OLFM3: variants seen among roughly 807,000 people sequenced by gnomAD.
OLFM3 encodes the protein olfactomedin 3, also known as noelin-3.
In OLFM3, 20 loss-of-function variants were observed where a neutral mutation model predicts 48.6. The ratio of observed to expected loss-of-function variants is 0.41; its 90% CI spans 0.29 to 0.60. The LOEUF is 0.60. Ranked by LOEUF, OLFM3 falls within the 20% of genes least tolerant of loss-of-function variation. The pLI, the probability that OLFM3 is intolerant of heterozygous loss-of-function variation, is 0.28. For missense variants in OLFM3, 437 were observed against 544.3 expected (o/e 0.80, Z 1.96); for synonymous variants, 222 against 198.1 (o/e 1.12, Z -1.01).
At chr1:101,875,173 G>T (rs1657248826) in intron 1 of OLFM3, among the ~76,000 whole-genome samples, 1 of 151,892 alleles carries the variant, frequency 6.6e-6, no homozygotes, top group Non-Finnish European at 1.5e-5. Flanking sequence ...CTCTAGATTG[G>T]GAGGAAAAAT....
intron 1 of OLFM3, among the ~76,000 whole-genome samples, chr1:101,923,083 T>C (rs756906884): frequency 2.0e-5 from 3 of 152,220 alleles, no homozygotes; most frequent in Non-Finnish European, 4.4e-5. Context: ...GGCTTAACCA[T>C]GAACCTCAGA....
At chr1:101,839,653 G>A (rs1655611081) in intron 1 of OLFM3, among the ~76,000 whole-genome samples, 1 of 152,170 alleles carries the variant, frequency 6.6e-6, no homozygotes, top group Non-Finnish European at 1.5e-5. Context: ...CATTAATATT[G>A]ACGTGCACTT....
intron 1 of OLFM3, among the ~76,000 whole-genome samples, chr1:101,892,442 A>C (rs1263690449): frequency 6.6e-6 from 1 of 152,080 alleles, no homozygotes; most frequent in Non-Finnish European, 1.5e-5. Context: ...GCATGTATCT[A>C]ACAAACATAC....
intron 1 of OLFM3, among the ~76,000 whole-genome samples, chr1:101,969,444 A>G (rs1468891136): frequency 2.6e-5 from 4 of 152,016 alleles, no homozygotes; most frequent in African/African-American, 9.7e-5. Context: ...CTGGAATTAC[A>G]GGTGTAAGCC....
chr1:101,967,342 T>A (rs1660643019), intron 1 of OLFM3, among the ~76,000 whole-genome samples: 1 of 151,406 alleles, frequency 6.6e-6, no homozygotes, highest in Non-Finnish European at 1.5e-5. Context: ...TGGCTATAAG[T>A]GATTTGCCTT....
At chr1:101,842,511 C>T (rs192671519) in intron 1 of OLFM3, among the ~76,000 whole-genome samples, 83 of 152,176 alleles carry the variant, frequency 5.5e-4, no homozygotes, top group Non-Finnish European at 7.5e-4. Flanking sequence ...AGTGCCATGG[C>T]ACTACAGCCT....
chr1:101,848,756 C>T (rs1239668750), intron 1 of OLFM3, among the ~76,000 whole-genome samples: 3 of 151,934 alleles, frequency 2.0e-5, no homozygotes, highest in African/African-American at 7.3e-5. Context: ...AAAAATACAC[C>T]TGGAACTCTA....
Position 101,879,232 on chromosome 1 carries a change from A to AT in OLFM3, c.70-42208dup, listed in dbSNP as rs201515280. Among the ~76,000 whole-genome samples, 168 of 151,696 alleles carry AT rather than the reference A, an allele frequency of 1.1e-3. 1 individual carries two copies. Among genetic ancestry groups the AT allele is most frequent in the Non-Finnish European group, 2.0e-3 (135 of 67,836 alleles). ...ATGGATTGATTTTACTAAACACTAC[A>AT]TTTTTTTCTTTTGATGTCTGTATGG... On this transcript the variant is annotated intron_variant, in intron 1 of 5. Coordinates refer to ENST00000370103, the MANE Select transcript of OLFM3 (RefSeq NM_058170.4).
chr1:101,929,561 T>C (rs1017690875), intron 1 of OLFM3, among the ~76,000 whole-genome samples: 1 of 152,106 alleles, frequency 6.6e-6, no homozygotes, highest in Non-Finnish European at 1.5e-5. Context: ...TGAGACAGCA[T>C]AATGAAAGTT....
chr1:101,913,500 G>A (rs1570625221), intron 1 of OLFM3, among the ~76,000 whole-genome samples: 1 of 152,060 alleles, frequency 6.6e-6, no homozygotes, highest in South Asian at 2.1e-4. Flanking sequence ...GCCATTATTG[G>A]ATTTGCTGAT....
At chr1:101,854,081 C>A (rs1340879216) in intron 1 of OLFM3, among the ~76,000 whole-genome samples, 7 of 152,112 alleles carry the variant, frequency 4.6e-5, no homozygotes, top group Admixed American at 2.6e-4. Flanking sequence ...TTTTAAAAAA[C>A]CATTTCACTA....
chr1:101,882,841 G>C (rs776576214), intron 1 of OLFM3: 2 of 151,906 alleles, frequency 1.3e-5, no homozygotes, highest in Non-Finnish European at 2.9e-5. Flanking sequence ...GTTTTATGAA[G>C]TCCGGTCTCC....
intron 1 of OLFM3, among the ~76,000 whole-genome samples, chr1:101,963,914 C>T (rs1269843775): frequency 6.6e-6 from 1 of 152,080 alleles, no homozygotes; most frequent in Non-Finnish European, 1.5e-5. Context: ...GAGTCTTTTC[C>T]ACCAAAGATA....
At chr1:101,830,964 CAGA>C (rs1156515144) in intron 2 of OLFM3, 137 bp from the exon 3 acceptor site, 1 of 654,600 alleles carries the variant, frequency 1.5e-6, no homozygotes, top group Admixed American at 3.2e-5. Context: ...GACACATTTT[CAGA>C]AGAACAATTC....
At chr1:101,913,377 A>G (rs1245297750) in intron 1 of OLFM3, among the ~76,000 whole-genome samples, 1 of 152,194 alleles carries the variant, frequency 6.6e-6, no homozygotes, top group African/African-American at 2.4e-5. Context: ...GAAACATTGC[A>G]CTTCTTGGAA....
intron 1 of OLFM3, among the ~76,000 whole-genome samples, chr1:101,843,765 C>T (rs547834604): frequency 6.6e-6 from 1 of 152,252 alleles, no homozygotes; most frequent in African/African-American, 2.4e-5. Context: ...TCTATTTTTC[C>T]TGGTTTTCTT....
chr1:101,964,953 G>C (rs779797585), intron 1 of OLFM3, among the ~76,000 whole-genome samples: 1 of 152,172 alleles, frequency 6.6e-6, no homozygotes, highest in Non-Finnish European at 1.5e-5. Context: ...AAAGTATAAA[G>C]AAGCATTTCT....
intron 1 of OLFM3, among the ~76,000 whole-genome samples, chr1:101,899,227 T>C (rs975398965): frequency 5.3e-5 from 8 of 152,118 alleles, no homozygotes; most frequent in Non-Finnish European, 1.0e-4. Flanking sequence ...AATTCAGTTC[T>C]CCACTGATTG....
At chr1:101,898,626 A>G (rs1282299131) in intron 1 of OLFM3, among the ~76,000 whole-genome samples, 1 of 152,180 alleles carries the variant, frequency 6.6e-6, no homozygotes, top group Non-Finnish European at 1.5e-5. Context: ...AGGTGGGTGG[A>G]TTACTTGGGG....
Sources: gnomAD v4.1 joint callset for allele counts (sites outside exome capture counted in the v4.1 genomes callset) on GRCh38, gnomAD v4.1.1 for gene constraint, MANE v1.5 for transcripts, NCBI Gene and HGNC (gene_info 2026-07-23, HGNC 2026-07-21) for gene names.